The following PPFIA4 variants were observed in gnomAD, a reference collection of about 807,000 sequenced individuals.
The protein encoded by PPFIA4 is PPFI scaffold protein A4.
PPFIA4 carries 98 observed loss-of-function variants against 145.7 expected under a neutral mutation model. The ratio of observed to expected loss-of-function variants is 0.67; its 90% CI spans 0.57 to 0.80. The LOEUF (loss-of-function observed/expected upper bound fraction) is 0.80. Ranked by LOEUF, PPFIA4 falls within the 30% of genes least tolerant of loss-of-function variation. The pLI is 0.00. For synonymous variants in PPFIA4, 628 were observed against 649.6 expected (o/e 0.97, Z 0.51); for missense variants, 1,457 against 1,632.7 (o/e 0.89, Z 1.85).
intron 24 of PPFIA4, among the ~76,000 whole-genome samples, chr1:203,062,059 G>T (rs1661401209): frequency 6.6e-6 from 1 of 152,110 alleles, no homozygotes; most frequent in African/African-American, 2.4e-5. Context: ...CGTTTATTGA[G>T]CAAATATAAG....
At chr1:203,049,803 G>C in intron 13 of PPFIA4, 36 bp downstream of exon 13, 1 of 1,472,708 alleles carries the variant, frequency 6.8e-7, no homozygotes, top group Non-Finnish European at 9.1e-7. Flanking sequence ...TGCCAGGACG[G>C]GGTCCTGATG....
intron 15 of PPFIA4, among the ~76,000 whole-genome samples, chr1:203,054,730 G>A (rs577362113): frequency 3.8e-4 from 58 of 150,728 alleles, no homozygotes; most frequent in African/African-American, 1.4e-3. Flanking sequence ...AGAGAGAAAG[G>A]TACAAACGTA....
At chr1:203,067,023 G>A (rs867145673) in intron 25 of PPFIA4, among the ~76,000 whole-genome samples, 8 of 152,140 alleles carry the variant, frequency 5.3e-5, no homozygotes, top group Admixed American at 2.6e-4. Context: ...ATTTTAAATC[G>A]GATGAACAAC....
chr1:203,071,649 A>G (rs1190966369), intron 27 of PPFIA4, 43 bp from the exon 28 acceptor site: 3 of 1,464,692 alleles, frequency 2.0e-6, no homozygotes, highest in African/African-American at 1.4e-5. Context: ...GTAGTTAACT[A>G]TAGCCCTTCC....
rs1343951282 is a variant in PPFIA4 at position 203,067,755 on chromosome 1, G to A, written c.3111G>A (p.Leu1037=). Reference sequence around the variant, plus strand: ...GGCTGAATTATGACCGGAAGGAGCTGGAGAAGAGGCGAGAGGAGAGCCAGC... The same window carrying A: ...GGCTGAATTATGACCGGAAGGAGCTAGAGAAGAGGCGAGAGGAGAGCCAGC... ...LKRLNYDRKE[L]EKRREESQHE... The change falls in exon 26 of 30, where the codon CTG becomes CTA. Residue 1037 remains leucine (L), a synonymous_variant. Transcript: ENST00000295706. 3.1e-6 allele frequency: 5 copies of A among 1,613,690 alleles called. No individual in the cohort carries two copies. The highest frequency in any genetic ancestry group is 4.2e-6 in the Non-Finnish European group (5 of 1,179,854).
At chr1:203,052,047 C>T (rs1389987049) in intron 14 of PPFIA4, among the ~76,000 whole-genome samples, 170 bp downstream of exon 14, 1 of 133,788 alleles carries the variant, frequency 7.5e-6, no homozygotes, top group Non-Finnish European at 1.6e-5. Context: ...ACAGCTGTGC[C>T]CCCCCCCCCG....
At position 203,060,220 on chromosome 1, in the gene PPFIA4, T is replaced by A; in HGVS notation, c.2587T>A (p.Trp863Arg). Residue 863 changes from tryptophan to arginine, a missense_variant, in exon 22 of 30, where the codon TGG becomes AGG. Trp to Arg is a moderately radical substitution (Grantham distance 101). Around this residue, in one of 3 missense-constraint regions of PPFIA4, gnomAD observed 848 missense variants for 1,046.7 expected, o/e 0.81. Coordinates refer to ENST00000295706, the MANE Select transcript of PPFIA4 (RefSeq NM_001304331.2). The surrounding 1 kb of genome is among the most constrained non-coding windows in gnomAD (Gnocchi z 4.8). ...GPTVVSWLELWVGMPAWYVAA... is the reference protein window; with the variant it reads ...GPTVVSWLELRVGMPAWYVAA... ...TCCCTGTGCCCGGTGTCTGCAGCTCTGGGTGGGGATGCCTGCCTGGTATGT... is the reference window on the plus strand; with the variant it reads ...TCCCTGTGCCCGGTGTCTGCAGCTCAGGGTGGGGATGCCTGCCTGGTATGT... The A allele has an allele frequency of 6.2e-7, 1 of 1,613,800 alleles. No individual in the cohort carries two copies. Among genetic ancestry groups the A allele is most frequent in the Non-Finnish European group, 8.5e-7 (1 of 1,179,900 alleles).
intron 8 of PPFIA4, 127 bp from the exon 9 acceptor site, chr1:203,046,121 G>C: frequency 6.4e-7 from 1 of 1,550,676 alleles, no homozygotes; most frequent in African/African-American, 1.4e-5. Flanking sequence ...CAGGCGTCTC[G>C]GGCAGCCAAC....
At chr1:203,044,121 C>T in intron 4 of PPFIA4, 26 bp downstream of exon 4, 3 of 1,552,848 alleles carry the variant, frequency 1.9e-6, no homozygotes, top group Non-Finnish European at 2.6e-6. Flanking sequence ...CCAGCCCCCA[C>T]ATCCAGCCAG....
At chr1:203,035,295 C>A in intron 1 of PPFIA4, 1 of 456,714 alleles carries the variant, frequency 2.2e-6, no homozygotes, top group Non-Finnish European at 4.4e-6. Context: ...CTTTGTCCAG[C>A]TCTCTCCGTG....
At chr1:203,056,330 C>T (rs746656216) in intron 17 of PPFIA4, 45 bp from the exon 18 acceptor site, 15 of 1,606,786 alleles carry the variant, frequency 9.3e-6, no homozygotes, top group South Asian at 8.9e-5. Flanking sequence ...TAGGCAGGCC[C>T]GAGATCTCTC....
At chr1:203,028,976 T>G (rs968335981) in intron 1 of PPFIA4, among the ~76,000 whole-genome samples, 8 of 152,010 alleles carry the variant, frequency 5.3e-5, no homozygotes, top group African/African-American at 1.9e-4. Flanking sequence ...TGGTCCTTGA[T>G]GTACTGTGGA....
At chr1:203,059,446 G>A (rs1661211360) in intron 20 of PPFIA4, among the ~76,000 whole-genome samples, 175 bp downstream of exon 20, 1 of 152,344 alleles carries the variant, frequency 6.6e-6, no homozygotes, top group African/African-American at 2.4e-5. Context: ...TTCTTAGGAT[G>A]AGCCTAGGGA....
At chr1:203,034,650 A>C (rs1659092624) in intron 1 of PPFIA4, 3 of 456,568 alleles carry the variant, frequency 6.6e-6, no homozygotes, top group African/African-American at 4.0e-5. Flanking sequence ...GGGGCCTTCC[A>C]GTGGGGCCTT....
intron 1 of PPFIA4, among the ~76,000 whole-genome samples, chr1:203,028,072 T>G (rs1658539393): frequency 6.6e-6 from 1 of 152,168 alleles, no homozygotes; most frequent in African/African-American, 2.4e-5. Context: ...AGTAAGGAGA[T>G]AATGAATGAC....
intron 5 of PPFIA4, 53 bp from the exon 6 acceptor site, chr1:203,044,643 T>G: frequency 2.0e-6 from 3 of 1,494,090 alleles, no homozygotes; most frequent in Non-Finnish European, 2.7e-6. Flanking sequence ...GTCTGGAATG[T>G]ATGGGAGGTT....
At chr1:203,076,200 C>T in intron 29 of PPFIA4, 141 bp from the exon 30 acceptor site, 3 of 926,146 alleles carry the variant, frequency 3.2e-6, no homozygotes, top group Non-Finnish European at 3.4e-6. Flanking sequence ...CCTGGCTTGC[C>T]CCTTCCTGCT....
chr1:203,076,503 C>A lies in PPFIA4; in HGVS notation c.*113C>A, dbSNP rs1442104419. ...AGCTCCTAGTCTCGTCCGTGACTTTCCGGTTGCCCTGGATCTCAGAATATA... is the reference window on the plus strand; with the variant it reads ...AGCTCCTAGTCTCGTCCGTGACTTTACGGTTGCCCTGGATCTCAGAATATA... On this transcript the variant is annotated 3_prime_UTR_variant, in exon 30 of 30. Coordinates refer to ENST00000295706, the MANE Select transcript of PPFIA4 (RefSeq NM_001304331.2). 7 of 1,099,766 alleles carry A rather than the reference C, an allele frequency of 6.4e-6. No homozygotes were observed. The highest frequency in any genetic ancestry group is 2.0e-4 in the Middle Eastern group (1 of 5,014). The allele number at this position is 1,099,766 out of a possible 1,614,324, so 68.1% of individuals were successfully genotyped here. A position where few individuals can be genotyped will look rare whatever the true frequency, so the allele number is the denominator to read the frequency against.
chr1:203,066,566 G>T (rs1194559641), intron 25 of PPFIA4, among the ~76,000 whole-genome samples: 1 of 152,132 alleles, frequency 6.6e-6, no homozygotes, highest in African/African-American at 2.4e-5. Flanking sequence ...TAATGAGTTC[G>T]CTGCCCCTGG....
Sources: gnomAD v4.1 joint callset for allele counts (sites outside exome capture counted in the v4.1 genomes callset) on GRCh38, gnomAD v4.1.1 for gene constraint, gnomAD v4.1.1 regional missense constraint, Gnocchi (gnomAD v3.1) non-coding constraint, MANE v1.5 for transcripts, NCBI Gene and HGNC (gene_info 2026-07-23, HGNC 2026-07-21) for gene names.